LGR4: variants seen among roughly 807,000 people sequenced by gnomAD.
The protein encoded by LGR4 is leucine rich repeat containing G protein-coupled receptor 4, also known as leucine-rich repeat-containing G protein-coupled receptor 4.
A neutral mutation model predicts 84.8 loss-of-function variants in LGR4; 44 were observed. The ratio of observed to expected loss-of-function variants is 0.52; its 90% confidence interval spans 0.41 to 0.67. The LOEUF (loss-of-function observed/expected upper bound fraction) is 0.67, where lower values mean the gene tolerates loss of function less well. Ranked by LOEUF, LGR4 falls within the 30% of genes least tolerant of loss-of-function variation. LGR4 has a pLI of 0.00. For missense variants in LGR4, 1,032 were observed against 1,131.4 expected, an observed-to-expected ratio of 0.91 and a Z score of 1.26; for synonymous variants, 429 against 434.3, an observed-to-expected ratio of 0.99 and a Z score of 0.15.
chr11:27,421,361 T>TG (rs1863920361), intron 1 of LGR4, among the ~76,000 whole-genome samples: 1 of 152,194 alleles, frequency 6.6e-6, no homozygotes, highest in Admixed American at 6.5e-5. Flanking sequence ...TTAGCAAGTA[T>TG]GGGAGTAAGT....
In LGR4 at chr11:27,367,896, C is replaced by T. The variant is rs769886057; in HGVS notation, c.2827G>A (p.Ala943Thr). The T allele has an allele frequency of 1.2e-6, 2 of 1,601,040 alleles. No homozygotes were observed. Among genetic ancestry groups the T allele is most frequent in the Non-Finnish European group, 1.7e-6 (2 of 1,176,492 alleles). ...QSRGFPLVRYAYNLPRVKD is the reference protein window; with the variant it reads ...QSRGFPLVRYTYNLPRVKD ...TCTTTAACTCTTGGTAGATTGTAAG[C>T]ATAGCGCACCAAAGGGAATCCTCTA... Residue 943 changes from alanine to threonine, a missense_variant, in exon 18 of 18, where the codon GCT becomes ACT. Physicochemically the swap from Ala to Thr is moderately conservative, Grantham distance 58. Coordinates refer to ENST00000379214, the MANE Select transcript of LGR4 (RefSeq NM_018490.5).
Position 27,368,015 on chromosome 11 carries a change from G to T in LGR4, c.2708C>A (p.Ser903Ter). 2.5e-6 allele frequency: 4 copies of T among 1,591,144 alleles called. No individual in the cohort carries two copies. In the South Asian group the frequency reaches 4.4e-5, roughly 18 times the overall value. Reference protein sequence around the residue: ...EGYWSDCGTQSAHSDYADEED... With the variant: ...EGYWSDCGTQ ...TTCATCTGCATAATCAGAGTGGGCC[G>T]ACTGTGTGCCACAGTCGGACCAGTA... The change falls in exon 18 of 18, where the codon TCG (serine) becomes TAG (stop). Residue 903 changes from serine (S) to a stop codon, truncating the protein, a stop_gained. Transcript: ENST00000379214. LOFTEE classifies it high-confidence loss of function.
At chr11:27,399,997 A>C (rs545317549) in intron 2 of LGR4, among the ~76,000 whole-genome samples, 2 of 152,232 alleles carry the variant, frequency 1.3e-5, no homozygotes, top group East Asian at 3.9e-4. Flanking sequence ...GTAATAAAAA[A>C]CTATCATTTG....
intron 13 of LGR4, among the ~76,000 whole-genome samples, chr11:27,375,921 TA>T (rs36112798): frequency 0.31 from 46,937 of 151,948 alleles, 7,405 homozygotes; most frequent in South Asian, 0.43. Flanking sequence ...TTGCAATGTC[TA>T]AAATAATATT....
chr11:27,411,220 A>G (rs908381828), intron 2 of LGR4, among the ~76,000 whole-genome samples: 1 of 152,080 alleles, frequency 6.6e-6, no homozygotes, highest in Non-Finnish European at 1.5e-5. Context: ...GACTAACCCT[A>G]TAGTCTAAAA....
chr11:27,470,392 C>A (rs1864849774), intron 1 of LGR4, among the ~76,000 whole-genome samples: 2 of 152,176 alleles, frequency 1.3e-5, no homozygotes, highest in East Asian at 3.9e-4. Context: ...AGTCTACTCA[C>A]TAAAATGTGA....
chr11:27,421,230 A>G (rs1224984618), intron 1 of LGR4, among the ~76,000 whole-genome samples: 1 of 152,116 alleles, frequency 6.6e-6, no homozygotes, highest in Non-Finnish European at 1.5e-5. Context: ...TTCTAAATCT[A>G]TCATGATTAC....
At chr11:27,461,143 G>C (rs2133454517) in intron 1 of LGR4, among the ~76,000 whole-genome samples, 1 of 151,872 alleles carries the variant, frequency 6.6e-6, no homozygotes, top group South Asian at 2.1e-4. Flanking sequence ...AAGGATTTTA[G>C]TTCTAAATTT....
chr11:27,409,519 T>C (rs1047859912), intron 2 of LGR4, among the ~76,000 whole-genome samples: 7 of 152,126 alleles, frequency 4.6e-5, no homozygotes, highest in Non-Finnish European at 7.4e-5. Flanking sequence ...GTGTTCCCGG[T>C]CTCAGCAAAT....
At chr11:27,400,836 G>A (rs950940903) in intron 2 of LGR4, among the ~76,000 whole-genome samples, 2 of 152,062 alleles carry the variant, frequency 1.3e-5, no homozygotes, top group Admixed American at 6.6e-5. Context: ...CAAGAGGACC[G>A]GAGGATATGG....
chr11:27,472,757 T>G lies in LGR4; in HGVS notation c.-455A>C. 1 of 337,854 alleles carries G rather than the reference T, an allele frequency of 3.0e-6. No individual in the cohort carries two copies. The highest frequency in any genetic ancestry group is 5.3e-6 in the Non-Finnish European group (1 of 187,870). The allele number at this position is 337,854 out of a possible 1,614,324, so 20.9% of individuals were successfully genotyped here. Reference sequence around the variant, plus strand: ...GTCTCCCAGCCGCGGCTCAATCTCTTCCCGTCCTTTTCCCTTCTAGGGTTG... The same window carrying G: ...GTCTCCCAGCCGCGGCTCAATCTCTGCCCGTCCTTTTCCCTTCTAGGGTTG... On this transcript the variant is annotated 5_prime_UTR_variant, in exon 1 of 18. Coordinates refer to ENST00000379214, the MANE Select transcript of LGR4 (RefSeq NM_018490.5).
At chr11:27,435,647 C>G (rs915750962) in intron 1 of LGR4, among the ~76,000 whole-genome samples, 3 of 151,514 alleles carry the variant, frequency 2.0e-5, no homozygotes, top group Non-Finnish European at 2.9e-5. Flanking sequence ...GCCACCACAC[C>G]CAGCTAATTT....
At chr11:27,376,940 C>A (rs1356916828) in intron 12 of LGR4, among the ~76,000 whole-genome samples, 1 of 152,108 alleles carries the variant, frequency 6.6e-6, no homozygotes, top group Non-Finnish European at 1.5e-5. Flanking sequence ...CTTCCAACTC[C>A]CCCCCGCATA....
intron 11 of LGR4, among the ~76,000 whole-genome samples, 170 bp from the exon 12 acceptor site, chr11:27,377,393 AGTG>A (rs1863005369): frequency 6.6e-6 from 1 of 152,116 alleles, no homozygotes; most frequent in South Asian, 2.1e-4. Context: ...CAAATACCTC[AGTG>A]ATACAATAAG....
intron 1 of LGR4, among the ~76,000 whole-genome samples, chr11:27,424,071 G>A (rs1863974727): frequency 6.6e-6 from 1 of 152,170 alleles, no homozygotes; most frequent in South Asian, 2.1e-4. Flanking sequence ...TTGATCTGGT[G>A]TTTTATTGAA....
At chr11:27,429,599 T>C (rs1160700370) in intron 1 of LGR4, among the ~76,000 whole-genome samples, 2 of 152,154 alleles carry the variant, frequency 1.3e-5, no homozygotes, top group African/African-American at 4.8e-5. Context: ...AGTGTTCTGC[T>C]GTCCAAACAA....
rs1416944136 is a variant in LGR4 at position 27,378,701 on chromosome 11, T to A, written c.1039A>T (p.Thr347Ser). 6.2e-7 allele frequency: 1 copy of A among 1,602,310 alleles called. No homozygotes were observed. The highest frequency in any genetic ancestry group is 8.5e-7 in the Non-Finnish European group (1 of 1,169,920). Residue 347 changes from threonine (T) to serine (S), a missense_variant, in exon 11 of 18, where the codon ACT becomes TCT. Physicochemically the swap from Thr to Ser is moderately conservative, Grantham distance 58. Coordinates refer to ENST00000379214, the MANE Select transcript of LGR4 (RefSeq NM_018490.5). ...NLCQEQKMLR[T>S]LDLSYNNIRD... ...GGGAAGAAGAATCCAACTTACAAAG[T>A]CCTAAGCATCTTTTGTTCTTGACAC...
At chr11:27,456,153 G>C (rs1230933689) in intron 1 of LGR4, among the ~76,000 whole-genome samples, 1 of 152,160 alleles carries the variant, frequency 6.6e-6, no homozygotes, top group Non-Finnish European at 1.5e-5. Flanking sequence ...TGACTGTTTA[G>C]CATGAGGCTG....
chr11:27,466,929 G>A (rs112087055), intron 1 of LGR4, among the ~76,000 whole-genome samples: 6 of 151,892 alleles, frequency 4.0e-5, no homozygotes, highest in African/African-American at 7.3e-5. Flanking sequence ...GACTACAGGC[G>A]TGCACCACCA....
Sources: allele counts gnomAD v4.1 joint callset (sites outside exome capture counted in the v4.1 genomes callset), GRCh38; gene constraint gnomAD v4.1.1; transcripts MANE v1.5; gene names NCBI Gene and HGNC (gene_info 2026-07-23, HGNC 2026-07-21).